Variants in TMEM131 observed in about 807,000 individuals in gnomAD.
TMEM131 encodes the protein 2610524E03Rik.
A neutral mutation model predicts 211.6 loss-of-function variants in TMEM131; 66 were observed. The observed-to-expected ratio is 0.31, with a 90% CI of 0.26 to 0.38. The LOEUF is 0.38. TMEM131 is among the 10% of genes least tolerant of loss of function. The pLI, the probability that TMEM131 is intolerant of heterozygous loss-of-function variation, is 1.00. For missense variants in TMEM131, 2,036 were observed against 2,299.3 expected (o/e 0.89, Z 2.34); for synonymous variants, 844 against 841.3 (o/e 1.00, Z -0.06).
intron 1 of TMEM131, among the ~76,000 whole-genome samples, chr2:97,939,320 C>T (rs1173807254): frequency 2.0e-5 from 3 of 151,942 alleles, no homozygotes; most frequent in South Asian, 2.1e-4. Flanking sequence ...ATCAAATAGA[C>T]GCAATAAAAA....
intron 32 of TMEM131, 69 bp downstream of exon 32, chr2:97,775,774 G>T: frequency 6.7e-7 from 1 of 1,492,712 alleles, no homozygotes. Flanking sequence ...CTATGAGATG[G>T]AAGGTCTTGT....
intron 2 of TMEM131, among the ~76,000 whole-genome samples, chr2:97,917,945 CTCTTT>C (rs1559446487): frequency 6.6e-6 from 1 of 151,100 alleles, no homozygotes; most frequent in African/African-American, 2.4e-5. Flanking sequence ...GTTTTTTTCT[CTCTTT>C]TTTTTTTTTT....
intron 22 of TMEM131, 145 bp downstream of exon 22, chr2:97,804,943 C>A: frequency 1.8e-6 from 1 of 548,026 alleles, no homozygotes; most frequent in Non-Finnish European, 3.2e-6. Flanking sequence ...ATTTAAGATG[C>A]CTCACTAATA....
intron 31 of TMEM131, among the ~76,000 whole-genome samples, chr2:97,785,416 A>G (rs902454297): frequency 1.3e-5 from 2 of 152,230 alleles, no homozygotes; most frequent in African/African-American, 4.8e-5. Context: ...GCACATGAAA[A>G]TATATTCAAT....
At chr2:97,777,569 A>G (rs1679798780) in intron 31 of TMEM131, among the ~76,000 whole-genome samples, 1 of 152,242 alleles carries the variant, frequency 6.6e-6, no homozygotes, top group African/African-American at 2.4e-5. Flanking sequence ...CTGGCCCTTT[A>G]CAGAAAAAGT....
intron 1 of TMEM131, among the ~76,000 whole-genome samples, chr2:97,962,752 A>G (rs968100253): frequency 6.6e-6 from 1 of 152,262 alleles, no homozygotes; most frequent in Admixed American, 6.5e-5. Flanking sequence ...TAAAAGCTTT[A>G]ATCATAATAG....
chr2:97,775,736 A>C, intron 32 of TMEM131, 107 bp downstream of exon 32: 1 of 1,268,692 alleles, frequency 7.9e-7, no homozygotes, highest in Non-Finnish European at 1.1e-6. Flanking sequence ...CCTAGATTTA[A>C]ACATTACTTT....
chr2:97,994,921 G>C (rs1168409327), intron 1 of TMEM131, among the ~76,000 whole-genome samples: 2 of 152,154 alleles, frequency 1.3e-5, no homozygotes, highest in Non-Finnish European at 2.9e-5. Context: ...ATGTAAACAG[G>C]CTTTCAACAG....
intron 12 of TMEM131, among the ~76,000 whole-genome samples, 178 bp downstream of exon 12, chr2:97,818,435 T>C (rs1424737870): frequency 8.9e-6 from 1 of 111,820 alleles, no homozygotes; most frequent in Non-Finnish European, 1.7e-5. Context: ...CATGAATCAA[T>C]CAAGTAAGAG....
chr2:97,769,783 T>A, intron 33 of TMEM131, among the ~76,000 whole-genome samples: 1 of 152,222 alleles, frequency 6.6e-6, no homozygotes, highest in Admixed American at 6.5e-5. Flanking sequence ...GAGATCTGAT[T>A]CCCATTCCTT....
chr2:97,943,622 T>A (rs1011395784), intron 1 of TMEM131, among the ~76,000 whole-genome samples: 11 of 152,236 alleles, frequency 7.2e-5, no homozygotes, highest in Admixed American at 1.3e-4. Context: ...AATCTCACCT[T>A]GCTCTTTTGC....
intron 1 of TMEM131, among the ~76,000 whole-genome samples, chr2:97,982,856 A>C (rs1480334372): frequency 6.6e-6 from 1 of 152,218 alleles, no homozygotes; most frequent in Non-Finnish European, 1.5e-5. Flanking sequence ...GAATTCAGGA[A>C]GCCTCTAGAA....
chr2:97,973,560 T>C (rs556901296), intron 1 of TMEM131, among the ~76,000 whole-genome samples: 60 of 152,278 alleles, frequency 3.9e-4, no homozygotes, highest in African/African-American at 1.3e-3. Flanking sequence ...GTGAGCTGCA[T>C]AGAGAACCCT....
intron 1 of TMEM131, among the ~76,000 whole-genome samples, chr2:97,960,512 T>G (rs1250707498): frequency 6.6e-6 from 1 of 152,172 alleles, no homozygotes. Flanking sequence ...CTGGAGCACA[T>G]GTTTGCTTTA....
intron 3 of TMEM131, among the ~76,000 whole-genome samples, chr2:97,900,982 C>T (rs913401991): frequency 3.9e-5 from 6 of 152,074 alleles, no homozygotes; most frequent in African/African-American, 1.4e-4. Flanking sequence ...CAGAGCATTT[C>T]TTCATATAAC....
intron 3 of TMEM131, among the ~76,000 whole-genome samples, chr2:97,891,989 G>A (rs1409222026): frequency 6.6e-6 from 1 of 152,074 alleles, no homozygotes; most frequent in African/African-American, 2.4e-5. Flanking sequence ...AACTATCAAA[G>A]TCACCAGCAG....
intron 22 of TMEM131, 142 bp downstream of exon 22, chr2:97,804,946 C>T (rs576959802): frequency 1.8e-6 from 1 of 555,010 alleles, no homozygotes; most frequent in Admixed American, 3.4e-5. Flanking sequence ...TAAGATGCCT[C>T]ACTAATAACT....
At chr2:97,958,018 G>A (rs1039022828) in intron 1 of TMEM131, among the ~76,000 whole-genome samples, 4 of 152,176 alleles carry the variant, frequency 2.6e-5, no homozygotes, top group Admixed American at 6.5e-5. Context: ...GAGTGGTTAC[G>A]TCTGAAGGAA....
intron 1 of TMEM131, among the ~76,000 whole-genome samples, chr2:97,962,261 T>C (rs546284062): frequency 6.6e-6 from 1 of 152,268 alleles, no homozygotes; most frequent in African/African-American, 2.4e-5. Flanking sequence ...CCCAGCACTT[T>C]GGGAGGCCGA....
Sources: allele counts gnomAD v4.1 joint callset (sites outside exome capture counted in the v4.1 genomes callset), GRCh38; gene constraint gnomAD v4.1.1; transcripts MANE v1.5; gene names NCBI Gene and HGNC (gene_info 2026-07-23, HGNC 2026-07-21).